Variants in PLEKHA8 observed in about 807,000 individuals in gnomAD.
The protein encoded by PLEKHA8 is pleckstrin homology domain-containing family A member 8.
Under a neutral mutation model 68.2 loss-of-function variants are expected in PLEKHA8, and 36 were observed. The observed-to-expected ratio is 0.53, with a 90% CI of 0.40 to 0.70. PLEKHA8 has a LOEUF of 0.70. Among genes scored for constraint, PLEKHA8 ranks in the 30% least tolerant of loss-of-function variants. The pLI is 0.00. For synonymous variants in PLEKHA8, 211 were observed against 216.1 expected (o/e 0.98, Z 0.20); for missense variants, 505 against 615.4 (o/e 0.82, Z 1.90).
At chr7:30,047,143 T>C (rs1792022524) in intron 3 of PLEKHA8, among the ~76,000 whole-genome samples, 2 of 152,254 alleles carry the variant, frequency 1.3e-5, no homozygotes, top group Non-Finnish European at 2.9e-5. Context: ...AATTGGCCTC[T>C]TCTTTTAATG....
At chr7:30,049,980 A>C (rs1187883792) in intron 5 of PLEKHA8, among the ~76,000 whole-genome samples, 2 of 152,226 alleles carry the variant, frequency 1.3e-5, no homozygotes, top group Non-Finnish European at 2.9e-5. Flanking sequence ...ATTGGTCTAA[A>C]AGCCTCTCTT....
Position 30,055,384 on chromosome 7 carries a change from A to G in PLEKHA8, c.1039+42A>G, listed in dbSNP as rs750938683. 3.3e-5 allele frequency: 51 copies of G among 1,556,362 alleles called. No homozygotes were observed. The South Asian group carries it at 5.0e-4, about 15-fold the overall frequency. On this transcript the variant is annotated intron_variant, in intron 9 of 13. Transcript: ENST00000449726. ...TGCCTTACATTCATTCATGTCTAGA[A>G]TCTGCCTCACTGTAGTTATTTTGCA...
At chr7:30,044,519 A>G (rs191610392) in intron 1 of PLEKHA8, among the ~76,000 whole-genome samples, 3 of 152,262 alleles carry the variant, frequency 2.0e-5, no homozygotes, top group East Asian at 3.8e-4. Flanking sequence ...ATGGATCAAT[A>G]CTAAAGAATA....
intron 12 of PLEKHA8, among the ~76,000 whole-genome samples, chr7:30,065,300 G>GATTTAA (rs1793757328): frequency 6.6e-6 from 1 of 152,108 alleles, no homozygotes; most frequent in Non-Finnish European, 1.5e-5. Flanking sequence ...TTCAAAGAAG[G>GATTTAA]TGTTTATGAT....
chr7:30,105,385 G>A (rs1400718907), intron 13 of PLEKHA8, among the ~76,000 whole-genome samples: 1 of 149,734 alleles, frequency 6.7e-6, no homozygotes, highest in African/African-American at 2.5e-5. Flanking sequence ...TCAGGAGGCT[G>A]AAGTGGGAGG....
At chr7:30,085,201 A>G (rs964698719), downstream of PLEKHA8, among the ~76,000 whole-genome samples, 1 of 152,130 alleles carries the variant, frequency 6.6e-6, no homozygotes, top group Non-Finnish European at 1.5e-5. Context: ...AGCCTCTCAA[A>G]GTGTTGGGAT....
rs527450044 is a variant in PLEKHA8, at chr7:30,114,288, C to T, written c.1363-14978C>T. Among the ~76,000 whole-genome samples the T allele has an allele frequency of 5.9e-5, 9 of 152,278 alleles. No homozygotes were observed. In the South Asian group the frequency reaches 1.7e-3, roughly 28 times the overall value. ...TAATCACTTTACATATATTAACACA[C>T]TTAATCCTTACAATAACCCATTGAT... On this transcript the variant is annotated intron_variant, in intron 13 of 13. Coordinates refer to the PLEKHA8 transcript ENST00000396257.
intron 12 of PLEKHA8, among the ~76,000 whole-genome samples, chr7:30,065,576 T>TACA (rs1562526308): frequency 6.6e-6 from 1 of 152,166 alleles, no homozygotes; most frequent in East Asian, 1.9e-4. Flanking sequence ...CCAGCCTTCA[T>TACA]AAGTAGAACT....
At chr7:30,110,061 A>G (rs1440024479) in intron 13 of PLEKHA8, among the ~76,000 whole-genome samples, 1 of 152,218 alleles carries the variant, frequency 6.6e-6, no homozygotes, top group African/African-American at 2.4e-5. Flanking sequence ...CACTTAGCAT[A>G]TATAATTCAG....
intron 13 of PLEKHA8, among the ~76,000 whole-genome samples, chr7:30,099,810 A>G (rs896457218): frequency 2.2e-4 from 33 of 152,258 alleles, no homozygotes; most frequent in Non-Finnish European, 4.4e-4. Flanking sequence ...TAGATAACAT[A>G]ACAAAAAATT....
chr7:30,061,057 A>C, intron 10 of PLEKHA8, 115 bp downstream of exon 10: 1 of 935,834 alleles, frequency 1.1e-6, no homozygotes, highest in African/African-American at 1.7e-5. Flanking sequence ...TGTTCTTTTA[A>C]GAGAGCAAGC....
At chr7:30,115,541 C>T (rs868485664) in intron 13 of PLEKHA8, among the ~76,000 whole-genome samples, 2 of 147,880 alleles carry the variant, frequency 1.4e-5, no homozygotes, top group African/African-American at 2.5e-5. Context: ...GACATATGTA[C>T]ACATGCACGT....
At chr7:30,075,871 A>G (rs1794582436) in intron 13 of PLEKHA8, among the ~76,000 whole-genome samples, 1 of 152,206 alleles carries the variant, frequency 6.6e-6, no homozygotes, top group Admixed American at 6.6e-5. Context: ...GATGCAAAGC[A>G]TAAGTCTTTA....
rs901934091 is a variant in PLEKHA8 at position 30,124,957 on chromosome 7, A to G, written c.1363-4309A>G. Among the ~76,000 whole-genome samples, 4 of 152,152 alleles carry G rather than the reference A, an allele frequency of 2.6e-5. No homozygotes were observed. In the South Asian group the frequency reaches 8.3e-4, roughly 32 times the overall value. On this transcript the variant is annotated intron_variant, in intron 13 of 13. Coordinates refer to the PLEKHA8 transcript ENST00000396257. ...TTTAGGAAAAAATAAAAAAAATCAG[A>G]ATTTTTTTTTGCCATTCTTTCGTCA... is the stretch of plus-strand genomic sequence containing the variant.
At chr7:30,056,352 A>G (rs1218877383) in intron 9 of PLEKHA8, among the ~76,000 whole-genome samples, 2 of 129,452 alleles carry the variant, frequency 1.5e-5, no homozygotes, top group Non-Finnish European at 3.3e-5. Context: ...TATATAATAT[A>G]TATAACACAT....
At chr7:30,041,744 G>A (rs1232159946) in intron 1 of PLEKHA8, among the ~76,000 whole-genome samples, 1 of 152,220 alleles carries the variant, frequency 6.6e-6, no homozygotes, top group South Asian at 2.1e-4. Context: ...GTGGGGTTGA[G>A]AGCTGCTCTT....
intron 13 of PLEKHA8, among the ~76,000 whole-genome samples, chr7:30,112,374 T>C (rs1268755844): frequency 6.7e-6 from 1 of 150,312 alleles, no homozygotes; most frequent in Non-Finnish European, 1.5e-5. Context: ...AACAAAAAGA[T>C]AACTCCTTAA....
At chr7:30,056,777 GTGTGTGTGTATA>G (rs1230942566) in intron 9 of PLEKHA8, among the ~76,000 whole-genome samples, 40 of 108,756 alleles carry the variant, frequency 3.7e-4, no homozygotes, top group Admixed American at 8.6e-4. Flanking sequence ...GTGTGTGTGT[GTGTGTGTGTATA>G]TATATATGTT....
intron 12 of PLEKHA8, among the ~76,000 whole-genome samples, chr7:30,062,971 C>T (rs1027063482): frequency 4.6e-5 from 7 of 152,138 alleles, no homozygotes; most frequent in African/African-American, 1.2e-4. Context: ...ATTTTAAAGA[C>T]GTGCTGAATA....
Sources: gnomAD v4.1 joint callset for allele counts (sites outside exome capture counted in the v4.1 genomes callset) on GRCh38, gnomAD v4.1.1 for gene constraint, MANE v1.5 for transcripts, NCBI Gene and HGNC (gene_info 2026-07-23, HGNC 2026-07-21) for gene names.